Variants in NRXN1 observed in about 807,000 individuals in gnomAD.
The protein encoded by NRXN1 is neurexin-1.
NRXN1 carries 39 observed loss-of-function variants against 150.9 expected under a neutral mutation model. That is an observed-to-expected ratio of 0.26 (90% CI 0.20 to 0.34). The LOEUF is 0.34. NRXN1 is among the 10% of genes least tolerant of loss of function. NRXN1 has a pLI of 1.00. For missense variants in NRXN1, 1,815 were observed against 1,949.9 expected (o/e 0.93, Z 1.30); for synonymous variants, 924 against 757.0 (o/e 1.22, Z -3.62).
At chr2:50,420,426 C>T (rs898850599) in intron 17 of NRXN1, among the ~76,000 whole-genome samples, 6 of 151,870 alleles carry the variant, frequency 4.0e-5, no homozygotes, top group Non-Finnish European at 7.4e-5. Context: ...TACACACACA[C>T]ACACACGGCA....
intron 8 of NRXN1, among the ~76,000 whole-genome samples, chr2:50,556,239 GAAT>G (rs923234135): frequency 3.3e-5 from 5 of 152,064 alleles, no homozygotes; most frequent in African/African-American, 1.2e-4. Flanking sequence ...AGTTCAATTA[GAAT>G]AATGAGTAGC....
At chr2:50,335,167 C>T (rs1484496078) in intron 17 of NRXN1, among the ~76,000 whole-genome samples, 2 of 152,122 alleles carry the variant, frequency 1.3e-5, no homozygotes, top group Non-Finnish European at 2.9e-5. Context: ...TGTTAAGTTC[C>T]TATTAAAACA....
At chr2:50,841,258 CA>C (rs1178096192) in intron 5 of NRXN1, 12 of 152,674 alleles carry the variant, frequency 7.9e-5, no homozygotes, top group Admixed American at 7.8e-4. Flanking sequence ...CTCCATACAT[CA>C]GTATATGTTA....
intron 15 of NRXN1, among the ~76,000 whole-genome samples, chr2:50,479,238 C>T (rs61347501): frequency 0.015 from 2,344 of 152,218 alleles, 57 homozygotes; most frequent in African/African-American, 0.052. Flanking sequence ...TGTTGGCAGC[C>T]TTTCCCCAAC....
Position 50,061,657 on chromosome 2 carries a change from T to C in NRXN1, c.3719-6613A>G, listed in dbSNP as rs772260825. Among the ~76,000 whole-genome samples the C allele has an allele frequency of 2.4e-4, 36 of 152,350 alleles. No homozygotes were observed. The Middle Eastern group carries it at 0.01, about 43-fold the overall frequency. On this transcript the variant is annotated intron_variant, in intron 19 of 22. Coordinates refer to ENST00000401669, the MANE Select transcript of NRXN1 (RefSeq NM_001330078.2). ...ATAAAACTCTACTATAGCAACATGC[T>C]GAGCAAATAGGCTTGATTTATAAAA...
intron 2 of NRXN1, among the ~76,000 whole-genome samples, chr2:50,950,583 C>CT (rs1691156938): frequency 6.6e-6 from 1 of 152,160 alleles, no homozygotes; most frequent in Non-Finnish European, 1.5e-5. Context: ...TTGGAAGGGA[C>CT]TATTCTGTGC....
intron 11 of NRXN1, among the ~76,000 whole-genome samples, chr2:50,530,294 G>T (rs1260026180): frequency 2.0e-5 from 3 of 152,108 alleles, no homozygotes; most frequent in African/African-American, 7.2e-5. Flanking sequence ...AGCGTGGGAA[G>T]AAAACTGATT....
intron 5 of NRXN1, among the ~76,000 whole-genome samples, chr2:50,723,542 C>T (rs957234042): frequency 2.0e-5 from 3 of 152,206 alleles, no homozygotes; most frequent in African/African-American, 7.2e-5. Context: ...AAGCCAAAAT[C>T]TGTGAAGAAG....
At position 49,922,474 on chromosome 2, in the gene NRXN1, A is replaced by T. The variant is rs186763125; in HGVS notation, c.4217-223T>A. ...TGTTGCTGTGTCTTCTTTCTTCACA[A>T]ATCAATTTTGTTCACAGAGTTTGGT... On this transcript the variant is annotated intron_variant, in intron 22 of 22. Transcript: ENST00000401669. 2.0e-3 allele frequency among the ~76,000 whole-genome samples: 306 copies of T among 152,264 alleles called. 1 individual carries two copies. Among genetic ancestry groups the T allele is most frequent in the Non-Finnish European group, 2.4e-3 (164 of 68,022 alleles).
chr2:50,998,644 C>A (rs928585769), intron 2 of NRXN1, among the ~76,000 whole-genome samples: 16 of 151,854 alleles, frequency 1.1e-4, no homozygotes, highest in African/African-American at 3.9e-4. Flanking sequence ...TATTTAAATG[C>A]TCCATTAAAA....
At chr2:50,876,909 T>G (rs1678677026) in intron 5 of NRXN1, among the ~76,000 whole-genome samples, 1 of 151,918 alleles carries the variant, frequency 6.6e-6, no homozygotes, top group Non-Finnish European at 1.5e-5. Flanking sequence ...GATTCTTTTA[T>G]TGGCCAAAGG....
chr2:51,019,304 T>TA (rs1642660254), intron 2 of NRXN1, among the ~76,000 whole-genome samples: 1 of 152,108 alleles, frequency 6.6e-6, no homozygotes, highest in Admixed American at 6.6e-5. Context: ...TTTTATAAAA[T>TA]TATCAAGTAG....
At chr2:49,965,311 G>A (rs2152488226) in intron 21 of NRXN1, among the ~76,000 whole-genome samples, 1 of 151,828 alleles carries the variant, frequency 6.6e-6, no homozygotes, top group African/African-American at 2.4e-5. Flanking sequence ...CCGTCTCCCA[G>A]GCTGGAGTGT....
intron 5 of NRXN1, among the ~76,000 whole-genome samples, chr2:50,733,299 CA>C (rs1698325497): frequency 6.6e-6 from 1 of 151,996 alleles, no homozygotes; most frequent in African/African-American, 2.4e-5. Context: ...GAAACCAACC[CA>C]AGACAAGTAA....
At chr2:50,671,270 T>C (rs948233844) in intron 5 of NRXN1, among the ~76,000 whole-genome samples, 1 of 151,750 alleles carries the variant, frequency 6.6e-6, no homozygotes, top group African/African-American at 2.4e-5. Flanking sequence ...ACTAATAACT[T>C]TTCTATTCTA....
At chr2:50,966,477 A>T (rs1694105254) in intron 2 of NRXN1, among the ~76,000 whole-genome samples, 2 of 151,782 alleles carry the variant, frequency 1.3e-5, no homozygotes, top group Non-Finnish European at 1.5e-5. Context: ...TTTATTAGGC[A>T]TGATGAGGAA....
intron 5 of NRXN1, among the ~76,000 whole-genome samples, chr2:50,726,684 A>C (rs967518373): frequency 2.6e-5 from 4 of 152,180 alleles, no homozygotes; most frequent in Non-Finnish European, 5.9e-5. Flanking sequence ...ATAATGACAG[A>C]AGCCACCTAG....
intron 5 of NRXN1, among the ~76,000 whole-genome samples, chr2:50,895,949 G>A (rs951034382): frequency 4.6e-5 from 7 of 152,056 alleles, no homozygotes; most frequent in South Asian, 2.1e-4. Flanking sequence ...AAATATATTC[G>A]CTCCACAACC....
intron 5 of NRXN1, among the ~76,000 whole-genome samples, chr2:50,745,815 C>A (rs1046007336): frequency 6.6e-6 from 1 of 152,108 alleles, no homozygotes; most frequent in African/African-American, 2.4e-5. Context: ...CATGGGGGAA[C>A]TACCCCCATG....
Sources: gnomAD v4.1 joint callset for allele counts (sites outside exome capture counted in the v4.1 genomes callset) on GRCh38, gnomAD v4.1.1 for gene constraint, MANE v1.5 for transcripts, NCBI Gene and HGNC (gene_info 2026-07-23, HGNC 2026-07-21) for gene names.